ONECUT3: variants seen among roughly 807,000 people sequenced by gnomAD.
ONECUT3 encodes one cut homeobox 3.
ONECUT3 carries 11 observed loss-of-function variants against 16.8 expected under a neutral mutation model. The ratio of observed to expected loss-of-function variants is 0.66; its 90% CI spans 0.41 to 1.09. The LOEUF (loss-of-function observed/expected upper bound fraction) is 1.09. Among genes scored for constraint, ONECUT3 ranks in the 50% least tolerant of loss-of-function variants. The probability of loss-of-function intolerance (pLI) is 0.00; values close to 1 mark genes in which losing one functional copy is unlikely to be tolerated. For missense variants in ONECUT3, 637 were observed against 629.9 expected, an observed-to-expected ratio of 1.01 and a Z score of -0.12; for synonymous variants, 344 against 310.7, an observed-to-expected ratio of 1.11 and a Z score of -1.13.
chr19:1,754,712 T>C lies in ONECUT3; in HGVS notation c.1050T>C (p.Cys350=), dbSNP rs1468808841. 1 of 1,544,902 alleles carries C rather than the reference T, an allele frequency of 6.5e-7. No individual in the cohort carries two copies. ...PQAIFAQRIL[C]RSQGTLSDLL... ...CAATCTTCGCGCAGCGGATCCTGTG[T>C]CGCTCTCAGGGCACGCTCTCCGACC... Residue 350 remains cysteine (C), a synonymous_variant, in exon 1 of 2, where the codon TGT becomes TGC. Coordinates refer to ENST00000382349, the MANE Select transcript of ONECUT3 (RefSeq NM_001080488.2). The surrounding 1 kb of genome is among the most constrained non-coding windows in gnomAD (Gnocchi z 7.4).
Position 1,754,104 on chromosome 19 carries a change from G to T in ONECUT3, c.442G>T (p.Ala148Ser). ...GGHPHAHPHP[A>S]AAPPPPPPPQ... is the part of the protein sequence containing the mutation. ...CCATCCCCACGCGCACCCGCACCCG[G>T]CGGCCGCGCCGCCCCCGCCACCCCC... Residue 148 changes from alanine (A) to serine (S), a missense_variant, in exon 1 of 2, where the codon GCG (alanine) becomes TCG (serine). Transcript: ENST00000382349. The surrounding 1 kb of genome is among the most constrained non-coding windows in gnomAD (Gnocchi z 7.4). 1 of 1,018,078 alleles carries T rather than the reference G, an allele frequency of 9.8e-7. No homozygotes were observed. Among genetic ancestry groups the T allele is most frequent in the Non-Finnish European group, 1.2e-6 (1 of 854,128 alleles). The allele number at this position is 1,018,078 out of a possible 1,614,324, so 63.1% of individuals were successfully genotyped here.
At position 1,779,669 on chromosome 19, in the gene ONECUT3, G is replaced by C. The variant is rs1016117648; in HGVS notation, c.*4224G>C. ...TTCTTGACGCTAATTGTAATAAAGT[G>C]GTCAGGGTGGGGGGCGGGGGGCGTG... On this transcript the variant is annotated 3_prime_UTR_variant, in exon 2 of 2. Coordinates refer to ENST00000382349, the MANE Select transcript of ONECUT3 (RefSeq NM_001080488.2). The C allele has an allele frequency of 1.5e-5, 2 of 137,780 alleles. No individual in the cohort carries two copies. The highest frequency in any genetic ancestry group is 2.6e-5 in the African/African-American group (1 of 38,120). The allele number at this position is 137,780 out of a possible 1,614,324, so 8.5% of individuals were successfully genotyped here.
rs566412082 is a variant in ONECUT3 at position 1,766,030 on chromosome 19, C to T, written c.1193-9123C>T. On this transcript the variant is annotated intron_variant, in intron 1 of 1. Coordinates refer to ENST00000382349, the MANE Select transcript of ONECUT3 (RefSeq NM_001080488.2). This position sits in a 1 kb window ranked among gnomAD's most constrained non-coding sequence, Gnocchi z 4.0. ...AAGATCCGTTGCCTCATCCACCGCC[C>T]GTCCAAGGCCCCACAAGCTGATGCC... Among the ~76,000 whole-genome samples, 2 of 152,370 alleles carry T rather than the reference C, an allele frequency of 1.3e-5. No homozygotes were observed. The highest frequency in any genetic ancestry group is 2.1e-4 in the South Asian group (1 of 4,832).
Position 1,754,589 on chromosome 19 carries a change from C to T in ONECUT3, c.927C>T (p.Gly309=), listed in dbSNP as rs1287084127. 13 of 1,283,234 alleles carry T rather than the reference C, an allele frequency of 1.0e-5. No individual in the cohort carries two copies. Among genetic ancestry groups the T allele is most frequent in the Middle Eastern group, 2.8e-4 (1 of 3,534 alleles). 79.5% of individuals were successfully genotyped at this position (1,283,234 alleles called of 1,614,324 possible). The change falls in exon 1 of 2, where the codon GGC becomes GGT. Residue 309 remains glycine (G), a synonymous_variant. Transcript: ENST00000382349. This position sits in a 1 kb window ranked among gnomAD's most constrained non-coding sequence, Gnocchi z 7.4. The part of the protein sequence containing the change: ...HGGGGGPGGS[G]GGPSAGAAAE... ...GAGGCGGCGGCCCCGGCGGGAGCGG[C>T]GGCGGCCCCAGCGCGGGCGCAGCGG...
Position 1,759,965 on chromosome 19 carries a change from G to A in ONECUT3, c.1192+5111G>A, listed in dbSNP as rs905451202. On this transcript the variant is annotated intron_variant, in intron 1 of 1. Coordinates refer to ENST00000382349, the MANE Select transcript of ONECUT3 (RefSeq NM_001080488.2). This position sits in a 1 kb window ranked among gnomAD's most constrained non-coding sequence, Gnocchi z 4.1. The stretch of plus-strand genomic sequence containing the variant: ...ACCCTCCCACAAAACTTCAGGGCCC[G>A]GGGAGGAGCAGCCCTAGCTAGGGAC... 3.3e-5 allele frequency among the ~76,000 whole-genome samples: 5 copies of A among 152,308 alleles called. No individual in the cohort carries two copies. The South Asian group carries it at 6.2e-4, about 19-fold the overall frequency.
chr19:1,773,946 C>T (rs1056308861), intron 1 of ONECUT3, among the ~76,000 whole-genome samples: 2 of 152,172 alleles, frequency 1.3e-5, no homozygotes, highest in African/African-American at 4.8e-5. Flanking sequence ...TGCTTTTCTC[C>T]CCTTTGCAAG....
rs907643687 is a variant in ONECUT3, at chr19:1,758,390, G to A, written c.1192+3536G>A. Among the ~76,000 whole-genome samples, 1 of 141,640 alleles carries A rather than the reference G, an allele frequency of 7.1e-6. No individual in the cohort carries two copies. The highest frequency in any genetic ancestry group is 1.5e-5 in the Non-Finnish European group (1 of 64,806). The allele number at this position is 141,640 out of a possible 152,430, so 92.9% of individuals were successfully genotyped here. ...GGAGGCTGCCTCTGTGTCCACCCCC[G>A]CCCTCCCACAGCCCCCTCCTTCTTC... On this transcript the variant is annotated intron_variant, in intron 1 of 1. Transcript: ENST00000382349. This position sits in a 1 kb window ranked among gnomAD's most constrained non-coding sequence, Gnocchi z 5.9.
chr19:1,765,519 C>T (rs911985837), intron 1 of ONECUT3, among the ~76,000 whole-genome samples: 12 of 152,206 alleles, frequency 7.9e-5, no homozygotes, highest in Admixed American at 3.3e-4. Context: ...AACAGAGTCC[C>T]AGGCAGCCGC....
Position 1,776,299 on chromosome 19 carries a change from G to C in ONECUT3, c.*854G>C, listed in dbSNP as rs2145969895. 6.6e-6 allele frequency: 1 copy of C among 152,412 alleles called. No individual in the cohort carries two copies. Among genetic ancestry groups the C allele is most frequent in the Non-Finnish European group, 1.5e-5 (1 of 68,094 alleles). 9.4% of individuals were successfully genotyped at this position (152,412 alleles called of 1,614,324 possible). The stretch of plus-strand genomic sequence containing the variant: ...TTCGTGGAGCGCAAGGAAGGACGCA[G>C]CTCCGGACACGGGAGACCACGCCCA... On this transcript the variant is annotated 3_prime_UTR_variant, in exon 2 of 2. Coordinates refer to ENST00000382349, the MANE Select transcript of ONECUT3 (RefSeq NM_001080488.2). The surrounding 1 kb of genome is among the most constrained non-coding windows in gnomAD (Gnocchi z 4.9).
rs2068139002 is a variant in ONECUT3, at chr19:1,779,466, G to GTAT, written c.*4022_*4024dup. The GTAT allele has an allele frequency of 6.6e-6, 1 of 151,548 alleles. No individual in the cohort carries two copies. The highest frequency in any genetic ancestry group is 2.4e-5 in the African/African-American group (1 of 41,148). The allele number at this position is 151,548 out of a possible 1,614,324, so 9.4% of individuals were successfully genotyped here. ...GGGAGAGGGAGAGAGAGAGGCAGAG[G>GTAT]TATACCTTTCTGTTCTCTGGCTTGT... On this transcript the variant is annotated 3_prime_UTR_variant, in exon 2 of 2. Coordinates refer to ENST00000382349, the MANE Select transcript of ONECUT3 (RefSeq NM_001080488.2).
rs1289376273 is a variant in ONECUT3 at position 1,758,319 on chromosome 19, G to A, written c.1192+3465G>A. 1.9e-5 allele frequency among the ~76,000 whole-genome samples: 2 copies of A among 104,720 alleles called. No individual in the cohort carries two copies. Among genetic ancestry groups the A allele is most frequent in the African/African-American group, 7.9e-5 (2 of 25,176 alleles). The allele number at this position is 104,720 out of a possible 152,430, so 68.7% of individuals were successfully genotyped here. A position where few individuals can be genotyped will look rare whatever the true frequency, so the allele number is the denominator to read the frequency against. ...AGAGACCAAAAAAAAAAAAAAAAGA[G>A]AGAGAGAGAGAGAGAGACAGAGATG... On this transcript the variant is annotated intron_variant, in intron 1 of 1. Transcript: ENST00000382349. The surrounding 1 kb of genome is among the most constrained non-coding windows in gnomAD (Gnocchi z 5.9).
intron 1 of ONECUT3, among the ~76,000 whole-genome samples, chr19:1,774,677 G>A (rs1359071235): frequency 6.6e-6 from 1 of 151,040 alleles, no homozygotes; most frequent in Admixed American, 6.6e-5. Flanking sequence ...TTTGAGGGTA[G>A]GACGGGGTTT....
rs961798505 is a variant in ONECUT3, at chr19:1,758,630, A to C, written c.1192+3776A>C. Among the ~76,000 whole-genome samples the C allele has an allele frequency of 1.3e-5, 2 of 152,226 alleles. No individual in the cohort carries two copies. Among genetic ancestry groups the C allele is most frequent in the South Asian group, 4.1e-4 (2 of 4,820 alleles). ...GTCGTCTGGGAGTCCTGCAGCCCCC[A>C]AGCCCATTCCCATGGGGCTGGGAGC... On this transcript the variant is annotated intron_variant, in intron 1 of 1. Coordinates refer to ENST00000382349, the MANE Select transcript of ONECUT3 (RefSeq NM_001080488.2). This position sits in a 1 kb window ranked among gnomAD's most constrained non-coding sequence, Gnocchi z 5.9.
At chr19:1,761,816 T>A (rs549191660) in intron 1 of ONECUT3, among the ~76,000 whole-genome samples, 33 of 152,260 alleles carry the variant, frequency 2.2e-4, no homozygotes, top group African/African-American at 7.7e-4. Flanking sequence ...TAGGTGCTAA[T>A]GTGAGAGGGG....
At position 1,762,784 on chromosome 19, in the gene ONECUT3, G is replaced by C. The variant is rs916118453; in HGVS notation, c.1192+7930G>C. 2.7e-5 allele frequency among the ~76,000 whole-genome samples: 4 copies of C among 148,900 alleles called. No homozygotes were observed. The highest frequency in any genetic ancestry group is 9.8e-5 in the African/African-American group (4 of 40,752). ...GGGGAAACCGCGCCGCACCAGGCGCGAGTGTTCTTCTTCCTTGTCTGGCGC... is the reference window on the plus strand; with the variant it reads ...GGGGAAACCGCGCCGCACCAGGCGCCAGTGTTCTTCTTCCTTGTCTGGCGC... On this transcript the variant is annotated intron_variant, in intron 1 of 1. Coordinates refer to ENST00000382349, the MANE Select transcript of ONECUT3 (RefSeq NM_001080488.2). The surrounding 1 kb of genome is among the most constrained non-coding windows in gnomAD (Gnocchi z 4.4).
intron 1 of ONECUT3, among the ~76,000 whole-genome samples, chr19:1,768,015 A>G (rs1462504994): frequency 6.6e-6 from 1 of 151,534 alleles, no homozygotes; most frequent in African/African-American, 2.4e-5. Context: ...GAGTCCTCAG[A>G]TCAGAGCCTC....
intron 1 of ONECUT3, among the ~76,000 whole-genome samples, chr19:1,765,890 G>A (rs188595977): frequency 6.3e-4 from 96 of 152,258 alleles, no homozygotes; most frequent in African/African-American, 2.0e-3. Flanking sequence ...AACCCACACC[G>A]CAGGCTTCTG....
In ONECUT3 at chr19:1,755,078, G is replaced by T. The variant is rs1262471479; in HGVS notation, c.1192+224G>T. ...GGATTGTGCCGCCTCCCCGCCCCCCGGTCGCCGCTTCTGCCCCTTTCGGGA... is the reference window on the plus strand; with the variant it reads ...GGATTGTGCCGCCTCCCCGCCCCCCTGTCGCCGCTTCTGCCCCTTTCGGGA... On this transcript the variant is annotated intron_variant, in intron 1 of 1. Coordinates refer to ENST00000382349, the MANE Select transcript of ONECUT3 (RefSeq NM_001080488.2). This position sits in a 1 kb window ranked among gnomAD's most constrained non-coding sequence, Gnocchi z 7.5. Among the ~76,000 whole-genome samples, 1 of 152,184 alleles carries T rather than the reference G, an allele frequency of 6.6e-6. No homozygotes were observed. Among genetic ancestry groups the T allele is most frequent in the Non-Finnish European group, 1.5e-5 (1 of 68,028 alleles).
intron 1 of ONECUT3, among the ~76,000 whole-genome samples, chr19:1,769,588 G>A (rs1265204228): frequency 6.9e-6 from 1 of 145,922 alleles, no homozygotes. Flanking sequence ...TGGTGTGGGG[G>A]TGAACCTGAT....
Sources: gnomAD v4.1 joint callset for allele counts (sites outside exome capture counted in the v4.1 genomes callset) on GRCh38, gnomAD v4.1.1 for gene constraint, Gnocchi (gnomAD v3.1) non-coding constraint, MANE v1.5 for transcripts, NCBI Gene and HGNC (gene_info 2026-07-23, HGNC 2026-07-21) for gene names.